MYRIP: variants seen among roughly 807,000 people sequenced by gnomAD.
MYRIP encodes rab effector MyRIP.
A neutral mutation model predicts 98.0 loss-of-function variants in MYRIP; 49 were observed. The observed-to-expected ratio is 0.50, with a 90% CI of 0.40 to 0.63. The LOEUF (loss-of-function observed/expected upper bound fraction) is 0.63. Ranked by LOEUF, MYRIP falls within the 30% of genes least tolerant of loss-of-function variation. The probability of loss-of-function intolerance (pLI) is 0.00; values close to 1 mark genes in which losing one functional copy is unlikely to be tolerated. For synonymous variants in MYRIP, 404 were observed against 409.5 expected (o/e 0.99, Z 0.16); for missense variants, 1,004 against 1,058.2 (o/e 0.95, Z 0.71).
chr3:39,997,923 A>G (rs1946409581), intron 2 of MYRIP, among the ~76,000 whole-genome samples: 1 of 152,216 alleles, frequency 6.6e-6, no homozygotes, highest in African/African-American at 2.4e-5. Context: ...AACAGAATCA[A>G]TGACAAAAAC....
intron 1 of MYRIP, among the ~76,000 whole-genome samples, chr3:39,822,806 A>G (rs560602557): frequency 6.6e-5 from 10 of 150,894 alleles, no homozygotes; most frequent in Non-Finnish European, 1.2e-4. Context: ...TTCCTGGCTT[A>G]TTTCACCTAA....
chr3:39,964,299 A>G (rs922320056), intron 2 of MYRIP, among the ~76,000 whole-genome samples: 1 of 152,140 alleles, frequency 6.6e-6, no homozygotes, highest in African/African-American at 2.4e-5. Flanking sequence ...AATGGTATAC[A>G]TGATAATATA....
intron 1 of MYRIP, among the ~76,000 whole-genome samples, chr3:39,815,073 T>A (rs1940854377): frequency 6.6e-6 from 1 of 152,196 alleles, no homozygotes; most frequent in Admixed American, 6.5e-5. Context: ...TTAGTAAATT[T>A]GCAGGGTATG....
chr3:39,833,306 G>A (rs1941510703), intron 1 of MYRIP, among the ~76,000 whole-genome samples: 1 of 152,074 alleles, frequency 6.6e-6, no homozygotes, highest in Non-Finnish European at 1.5e-5. Context: ...TTTGGGTTGG[G>A]GGGTTAATGA....
intron 2 of MYRIP, among the ~76,000 whole-genome samples, chr3:39,999,676 G>A (rs1232972584): frequency 5.3e-5 from 8 of 152,112 alleles, no homozygotes; most frequent in Non-Finnish European, 1.2e-4. Flanking sequence ...CCATTACTGG[G>A]TATATACCTA....
chr3:40,152,784 C>T (rs1303862636), intron 4 of MYRIP, among the ~76,000 whole-genome samples: 1 of 152,086 alleles, frequency 6.6e-6, no homozygotes, highest in Admixed American at 6.6e-5. Context: ...AGGCCTGGCA[C>T]ATCTTATATC....
At chr3:39,865,671 T>A (rs1942599408) in intron 1 of MYRIP, among the ~76,000 whole-genome samples, 1 of 152,020 alleles carries the variant, frequency 6.6e-6, no homozygotes, top group South Asian at 2.1e-4. Context: ...TGTCAAAAAA[T>A]AATAAATGCT....
At chr3:39,829,687 G>A (rs1172312554) in intron 1 of MYRIP, among the ~76,000 whole-genome samples, 6 of 152,074 alleles carry the variant, frequency 3.9e-5, no homozygotes, top group South Asian at 4.2e-4. Flanking sequence ...CAGGGACACT[G>A]TACTTTTTTT....
chr3:40,186,093 G>A lies in MYRIP; in HGVS notation c.1027+3720G>A, dbSNP rs147586154. Among the ~76,000 whole-genome samples, 535 of 152,176 alleles carry A rather than the reference G, an allele frequency of 3.5e-3. 1 individual carries two copies. The highest frequency in any genetic ancestry group is 0.024 in the Middle Eastern group (7 of 294). On this transcript the variant is annotated intron_variant, in intron 9 of 16. Transcript: ENST00000302541. The stretch of plus-strand genomic sequence containing the variant: ...AGTGTTAAGAAATGAAAGCTTTTTG[G>A]CAAAGCTCAGAGAACAGAATAGCCA...
intron 10 of MYRIP, among the ~76,000 whole-genome samples, chr3:40,199,218 C>G (rs541292909): frequency 5.9e-5 from 9 of 152,240 alleles, no homozygotes; most frequent in Admixed American, 1.3e-4. Context: ...GGATGGAGAC[C>G]ACAGCAGCCC....
chr3:40,156,903 A>G (rs1446166672), intron 4 of MYRIP, among the ~76,000 whole-genome samples: 2 of 151,676 alleles, frequency 1.3e-5, no homozygotes, highest in Non-Finnish European at 3.0e-5. Flanking sequence ...GGCTGAGACA[A>G]TGGGGTTTTC....
At chr3:40,083,155 C>T (rs1948517691) in intron 3 of MYRIP, among the ~76,000 whole-genome samples, 1 of 152,180 alleles carries the variant, frequency 6.6e-6, no homozygotes, top group African/African-American at 2.4e-5. Context: ...ATGAACAAAA[C>T]AGGCATAATT....
intron 2 of MYRIP, among the ~76,000 whole-genome samples, chr3:39,953,486 A>G (rs947415821): frequency 1.3e-5 from 2 of 152,124 alleles, no homozygotes; most frequent in African/African-American, 2.4e-5. Flanking sequence ...TGGAAAACCA[A>G]TTTTTCTTCC....
intron 1 of MYRIP, among the ~76,000 whole-genome samples, chr3:39,836,592 C>T (rs1478259180): frequency 6.6e-6 from 1 of 152,158 alleles, no homozygotes; most frequent in African/African-American, 2.4e-5. Flanking sequence ...CTGTCCCTTG[C>T]AGACCCCTGA....
intron 3 of MYRIP, among the ~76,000 whole-genome samples, chr3:40,076,461 C>T (rs902731343): frequency 2.6e-5 from 4 of 152,192 alleles, no homozygotes; most frequent in African/African-American, 9.7e-5. Context: ...TCAATTAAGT[C>T]AGAATCACTG....
At chr3:40,046,725 A>G (rs766760043) in intron 3 of MYRIP, among the ~76,000 whole-genome samples, 1 of 151,606 alleles carries the variant, frequency 6.6e-6, no homozygotes, top group Non-Finnish European at 1.5e-5. Flanking sequence ...TTGTGTGAAG[A>G]ATTGGCGTTT....
chr3:39,899,971 T>C (rs1943706389), intron 1 of MYRIP, among the ~76,000 whole-genome samples: 1 of 152,036 alleles, frequency 6.6e-6, no homozygotes. Flanking sequence ...CAGGCGACGC[T>C]CACCATGCCC....
intron 2 of MYRIP, among the ~76,000 whole-genome samples, chr3:39,977,552 G>T (rs1945788286): frequency 6.6e-6 from 1 of 152,176 alleles, no homozygotes; most frequent in African/African-American, 2.4e-5. Context: ...ACCTCCACAG[G>T]ATGGATGTAC....
At chr3:40,031,233 G>A (rs1006699885) in intron 2 of MYRIP, among the ~76,000 whole-genome samples, 4 of 152,028 alleles carry the variant, frequency 2.6e-5, no homozygotes, top group Non-Finnish European at 4.4e-5. Flanking sequence ...GGCGGCCCTG[G>A]AGTCCCATAT....
Sources: gnomAD v4.1 joint callset for allele counts (sites outside exome capture counted in the v4.1 genomes callset) on GRCh38, gnomAD v4.1.1 for gene constraint, MANE v1.5 for transcripts, NCBI Gene and HGNC (gene_info 2026-07-23, HGNC 2026-07-21) for gene names.